The following NSMAF variants were observed in gnomAD, a reference collection of about 807,000 sequenced individuals.
NSMAF encodes the protein protein FAN.
Under a neutral mutation model 134.9 loss-of-function variants are expected in NSMAF, and 90 were observed. The observed-to-expected ratio is 0.67, with a 90% CI of 0.56 to 0.79. NSMAF has a LOEUF of 0.79. Ranked by LOEUF, NSMAF falls within the 30% of genes least tolerant of loss-of-function variation. The pLI, the probability that NSMAF is intolerant of heterozygous loss-of-function variation, is 0.00. For synonymous variants in NSMAF, 358 were observed against 389.6 expected, an observed-to-expected ratio of 0.92 and a Z score of 0.96; for missense variants, 1,010 against 1,119.0, an observed-to-expected ratio of 0.90 and a Z score of 1.39.
intron 2 of NSMAF, among the ~76,000 whole-genome samples, chr8:58,638,347 G>C (rs1807251385): frequency 6.6e-6 from 1 of 152,100 alleles, no homozygotes; most frequent in South Asian, 2.1e-4. Context: ...GCCTGGTCCA[G>C]AGTAATCTTG....
At chr8:58,597,254 A>G (rs1806157453) in intron 21 of NSMAF, 133 bp downstream of exon 21, 1 of 783,168 alleles carries the variant, frequency 1.3e-6, no homozygotes, top group Non-Finnish European at 2.1e-6. Context: ...TTTCAGGAGA[A>G]CTGCAATAAG....
At chr8:58,592,762 C>T (rs1200736548) in intron 23 of NSMAF, among the ~76,000 whole-genome samples, 9 of 152,040 alleles carry the variant, frequency 5.9e-5, no homozygotes, top group Non-Finnish European at 1.0e-4. Context: ...TGGTGGGTGC[C>T]TGTGAACCCA....
At chr8:58,617,866 G>A (rs557948790) in intron 9 of NSMAF, among the ~76,000 whole-genome samples, 8 of 152,300 alleles carry the variant, frequency 5.3e-5, no homozygotes, top group South Asian at 4.1e-4. Context: ...GCACATGTAC[G>A]TTTATTGTGG....
At chr8:58,600,601 G>A (rs199973264) in intron 16 of NSMAF, among the ~76,000 whole-genome samples, 8 of 114,668 alleles carry the variant, frequency 7.0e-5, no homozygotes, top group South Asian at 2.8e-4. Context: ...CAGCCTGGGC[G>A]ACAGAGCAAG....
At chr8:58,609,412 C>G (rs4738695) in intron 10 of NSMAF, among the ~76,000 whole-genome samples, 192 bp downstream of exon 10, 6,993 of 152,106 alleles carry the variant, frequency 0.046, 418 homozygotes, top group East Asian at 0.2. Context: ...ATCAGAAGAA[C>G]TCAAACTTCA....
intron 9 of NSMAF, among the ~76,000 whole-genome samples, chr8:58,617,072 T>C (rs1232069895): frequency 6.6e-6 from 1 of 152,192 alleles, no homozygotes; most frequent in Non-Finnish European, 1.5e-5. Flanking sequence ...GTACTATCTT[T>C]TGGTCTGTTC....
chr8:58,645,867 C>G (rs1471234524), intron 1 of NSMAF, among the ~76,000 whole-genome samples: 1 of 152,096 alleles, frequency 6.6e-6, no homozygotes, highest in Non-Finnish European at 1.5e-5. Context: ...ATGGTGAAAC[C>G]ACCTCTCTAC....
At chr8:58,600,044 C>G in intron 16 of NSMAF, 23 bp from the exon 17 acceptor site, 15 of 1,594,752 alleles carry the variant, frequency 9.4e-6, no homozygotes, top group Non-Finnish European at 1.3e-5. Flanking sequence ...AAAAAATTCA[C>G]CTATTTTCAG....
chr8:58,656,849 A>T (rs1428961112), intron 1 of NSMAF, among the ~76,000 whole-genome samples: 1 of 152,156 alleles, frequency 6.6e-6, no homozygotes, highest in Non-Finnish European at 1.5e-5. Context: ...AAAATAAAAA[A>T]AATTAGTATA....
At chr8:58,616,651 AATG>A (rs1806660504) in intron 9 of NSMAF, among the ~76,000 whole-genome samples, 1 of 152,170 alleles carries the variant, frequency 6.6e-6, no homozygotes, top group Admixed American at 6.5e-5. Flanking sequence ...ATCATCTTTG[AATG>A]ATGAAACCTT....
chr8:58,614,521 T>A (rs1244366909), intron 9 of NSMAF, among the ~76,000 whole-genome samples: 1 of 152,216 alleles, frequency 6.6e-6, no homozygotes, highest in African/African-American at 2.4e-5. Flanking sequence ...CTGGGTTGCA[T>A]AGCAATGGTT....
intron 6 of NSMAF, among the ~76,000 whole-genome samples, chr8:58,627,034 T>C (rs893100350): frequency 6.6e-6 from 1 of 152,188 alleles, no homozygotes; most frequent in Non-Finnish European, 1.5e-5. Flanking sequence ...TCATGTTCTT[T>C]GCCTACTTCT....
chr8:58,635,623 A>G, intron 2 of NSMAF, 77 bp from the exon 3 acceptor site: 2 of 856,092 alleles, frequency 2.3e-6, no homozygotes, highest in Non-Finnish European at 3.7e-6. Flanking sequence ...TTTTAACTAG[A>G]AAGCAGGTTA....
chr8:58,591,052 T>A (rs1424497475), intron 23 of NSMAF, 118 bp from the exon 24 acceptor site: 2 of 1,208,598 alleles, frequency 1.7e-6, no homozygotes, highest in South Asian at 3.1e-5. Context: ...CTCCAAAGTA[T>A]AATCTTATGG....
At position 58,659,226 on chromosome 8, in the gene NSMAF, G is replaced by C. The variant is rs781348783; in HGVS notation, c.59+347C>G. 8.1e-6 allele frequency: 12 copies of C among 1,479,198 alleles called. No homozygotes were observed. The highest frequency in any genetic ancestry group is 3.9e-5 in the South Asian group (3 of 76,334). 91.6% of individuals were successfully genotyped at this position (1,479,198 alleles called of 1,614,324 possible). On this transcript the variant is annotated intron_variant, in intron 1 of 30. Transcript: ENST00000038176. The stretch of plus-strand genomic sequence containing the variant: ...CTGCGAACGCCCGGGCTCGCGTGCC[G>C]GGATCCACGCCCGGACCCCGCGCGG...
intron 9 of NSMAF, among the ~76,000 whole-genome samples, chr8:58,621,913 G>A (rs1030599917): frequency 4.6e-5 from 7 of 152,066 alleles, no homozygotes; most frequent in East Asian, 1.9e-4. Context: ...CTCTCATTCC[G>A]TGGGCTGTCT....
Position 58,609,639 on chromosome 8 carries a change from T to A in NSMAF, c.652A>T (p.Thr218Ser). The A allele has an allele frequency of 1.9e-6, 3 of 1,614,212 alleles. No individual in the cohort carries two copies. The highest frequency in any genetic ancestry group is 2.5e-6 in the Non-Finnish European group (3 of 1,180,016). The change falls in exon 10 of 31, where the codon ACA (threonine) becomes TCA (serine). Residue 218 changes from threonine to serine, a missense_variant. By Grantham distance (58) the Thr-to-Ser change is moderately conservative. Transcript: ENST00000038176. ...TTGAGGGGCTGAAAATACAGGTTTGTGTCCGTGATGCACACGTGTCCAGGA... is the reference window on the plus strand; with the variant it reads ...TTGAGGGGCTGAAAATACAGGTTTGAGTCCGTGATGCACACGTGTCCAGGA... ...TNPGHVCITD[T>S]NLYFQPLNGY...
At chr8:58,595,808 T>C in intron 21 of NSMAF, 149 bp from the exon 22 acceptor site, 1 of 590,460 alleles carries the variant, frequency 1.7e-6, no homozygotes, top group Non-Finnish European at 3.0e-6. Context: ...ACCTGTTAGA[T>C]GGTTCCACGT....
intron 1 of NSMAF, among the ~76,000 whole-genome samples, chr8:58,648,602 G>T (rs992787639): frequency 6.6e-6 from 1 of 152,190 alleles, no homozygotes; most frequent in Admixed American, 6.5e-5. Context: ...GGCTTAGGGG[G>T]CCAAGCCCAG....
Sources: gnomAD v4.1 joint callset for allele counts (sites outside exome capture counted in the v4.1 genomes callset) on GRCh38, gnomAD v4.1.1 for gene constraint, MANE v1.5 for transcripts, NCBI Gene and HGNC (gene_info 2026-07-23, HGNC 2026-07-21) for gene names.